The following FAAH2 variants were observed in gnomAD, a reference collection of about 807,000 sequenced individuals.
FAAH2 encodes the protein fatty-acid amide hydrolase 2.
FAAH2 carries 60 observed loss-of-function variants against 36.9 expected under a neutral mutation model. That is an observed-to-expected ratio of 1.63 (90% CI 1.32 to 2.02). The LOEUF (loss-of-function observed/expected upper bound fraction) is 2.02. FAAH2 is among the 30% of genes most tolerant of loss of function. The probability of loss-of-function intolerance (pLI) is 0.00; values close to 1 mark genes in which losing one functional copy is unlikely to be tolerated. For missense variants in FAAH2, 689 were observed against 397.5 expected, an observed-to-expected ratio of 1.73 and a Z score of -6.23; for synonymous variants, 214 against 143.8, an observed-to-expected ratio of 1.49 and a Z score of -3.49.
At chrX:57,466,199 A>G (rs1294526510) in intron 10 of FAAH2, among the ~76,000 whole-genome samples, 1 of 97,596 alleles carries the variant, frequency 1.0e-5, no homozygotes, top group Non-Finnish European at 2.0e-5. Context: ...CACATAGTAT[A>G]CATAACTATA....
chrX:57,291,593 T>A (rs1414627257), intron 1 of FAAH2, among the ~76,000 whole-genome samples: 1 of 112,076 alleles, frequency 8.9e-6, no homozygotes, highest in East Asian at 2.8e-4. Context: ...TCCTTTTCAC[T>A]TGATGTAATG....
At chrX:57,242,531 T>C in the FAAH2 span, among the ~76,000 whole-genome samples, 6 of 110,838 alleles carry the variant, frequency 5.4e-5, no homozygotes, top group Non-Finnish European at 1.1e-4. Flanking sequence ...AAAAGGAGGG[T>C]GATTTCTGCA....
At chrX:57,422,061 C>G (rs774888442) in intron 7 of FAAH2, among the ~76,000 whole-genome samples, 2 of 111,102 alleles carry the variant, frequency 1.8e-5, no homozygotes, top group South Asian at 7.7e-4. Flanking sequence ...TTCCGGCTGT[C>G]TTTACTAACA....
chrX:57,158,458 C>T, the FAAH2 span, among the ~76,000 whole-genome samples: 1 of 111,913 alleles, frequency 8.9e-6, no homozygotes, highest in African/African-American at 3.3e-5. Flanking sequence ...GTTTACAATC[C>T]CACCAACAGT....
At chrX:57,205,672 A>G in the FAAH2 span, among the ~76,000 whole-genome samples, 1 of 112,157 alleles carries the variant, frequency 8.9e-6, no homozygotes, top group South Asian at 3.7e-4. Context: ...CCATTACTAG[A>G]CCCATCTGTA....
At chrX:57,405,179 G>A (rs1320294846) in intron 7 of FAAH2, among the ~76,000 whole-genome samples, 1 of 111,432 alleles carries the variant, frequency 9.0e-6, no homozygotes, top group Non-Finnish European at 1.9e-5. Context: ...CACTTTGGAG[G>A]TCCCTTCATG....
the FAAH2 span, among the ~76,000 whole-genome samples, chrX:57,256,702 A>G: frequency 8.9e-6 from 1 of 112,139 alleles, no homozygotes; most frequent in Non-Finnish European, 1.9e-5. Context: ...AATAGGAGCT[A>G]ATTAAACTAA....
At chrX:57,238,196 C>T in the FAAH2 span, among the ~76,000 whole-genome samples, 2 of 111,714 alleles carry the variant, frequency 1.8e-5, no homozygotes, top group Non-Finnish European at 3.8e-5. Flanking sequence ...CATATGAATG[C>T]TTATGTTCAC....
the FAAH2 span, among the ~76,000 whole-genome samples, chrX:57,241,280 C>T: frequency 8.9e-6 from 1 of 112,317 alleles, no homozygotes; most frequent in Non-Finnish European, 1.9e-5. Context: ...CTGTTCTCCA[C>T]ATAGGAATCA....
intron 10 of FAAH2, among the ~76,000 whole-genome samples, chrX:57,475,558 G>A (rs776590515): frequency 1.8e-5 from 2 of 111,523 alleles, no homozygotes; most frequent in African/African-American, 6.5e-5. Flanking sequence ...CTATATATCT[G>A]TTTTGATACC....
chrX:57,294,586 G>A lies in FAAH2; in HGVS notation c.275+2006G>A, dbSNP rs917993901. Among the ~76,000 whole-genome samples the A allele has an allele frequency of 2.4e-4, 27 of 111,735 alleles. 1 individual carries two copies. The highest frequency in any genetic ancestry group is 8.8e-4 in the African/African-American group (27 of 30,721). On this transcript the variant is annotated intron_variant, in intron 2 of 10. Coordinates refer to ENST00000374900, the MANE Select transcript of FAAH2 (RefSeq NM_174912.4). ...CTTTATTTATCATCATGTCAAACTT[G>A]TTTTCCTTCATATCCTATTCTAATC...
intron 4 of FAAH2, among the ~76,000 whole-genome samples, chrX:57,333,897 G>A (rs903548697): frequency 9.0e-6 from 1 of 111,626 alleles, no homozygotes; most frequent in Admixed American, 9.5e-5. Flanking sequence ...ATCCTTAGAA[G>A]GTTAAGGAGA....
the FAAH2 span, among the ~76,000 whole-genome samples, chrX:57,268,085 G>A: frequency 2.1e-4 from 24 of 111,964 alleles, no homozygotes; most frequent in Non-Finnish European, 3.9e-4. Flanking sequence ...AACTCAATGC[G>A]AGGAATCAAA....
the FAAH2 span, among the ~76,000 whole-genome samples, chrX:57,171,321 C>T: frequency 3.1e-4 from 35 of 111,714 alleles, no homozygotes; most frequent in Non-Finnish European, 1.9e-4. Flanking sequence ...TTTCATTCTT[C>T]GAGCAATTTC....
chrX:57,290,433 G>A (rs1466444256), intron 1 of FAAH2: 2 of 232,708 alleles, frequency 8.6e-6, no homozygotes, highest in Non-Finnish European at 1.2e-5. Flanking sequence ...CCTACTAGAC[G>A]CATAATTCTA....
At chrX:57,460,182 T>C (rs1259778406) in intron 10 of FAAH2, among the ~76,000 whole-genome samples, 1 of 111,683 alleles carries the variant, frequency 9.0e-6, no homozygotes, top group Non-Finnish European at 1.9e-5. Context: ...CTACGATGGA[T>C]TGGGGTCCCT....
At chrX:57,295,021 A>G (rs763370812) in intron 2 of FAAH2, among the ~76,000 whole-genome samples, 54 of 112,391 alleles carry the variant, frequency 4.8e-4, no homozygotes, top group African/African-American at 1.7e-3. Context: ...GAGGGAACAA[A>G]GGGAAGAAAT....
the FAAH2 span, among the ~76,000 whole-genome samples, chrX:57,126,524 A>G: frequency 8.9e-6 from 1 of 112,215 alleles, no homozygotes; most frequent in Non-Finnish European, 1.9e-5. Context: ...CTGAAAGGAT[A>G]TGAGGATTAA....
intron 9 of FAAH2, 61 bp downstream of exon 9, chrX:57,447,100 A>C: frequency 1.1e-6 from 1 of 910,909 alleles, no homozygotes; most frequent in East Asian, 3.5e-5. Flanking sequence ...TTAATATCTA[A>C]ATATAAATTT....
Sources: gnomAD v4.1 joint callset for allele counts (sites outside exome capture counted in the v4.1 genomes callset) on GRCh38, gnomAD v4.1.1 for gene constraint, MANE v1.5 for transcripts, NCBI Gene and HGNC (gene_info 2026-07-23, HGNC 2026-07-21) for gene names.